COL22A1: variants seen among roughly 807,000 people sequenced by gnomAD.
COL22A1 encodes the protein collagen alpha-1(XXII) chain.
In COL22A1, 221 loss-of-function variants were observed where a neutral mutation model predicts 248.9. The observed-to-expected ratio is 0.89, with a 90% CI of 0.80 to 0.99. The LOEUF (loss-of-function observed/expected upper bound fraction) is 0.99. Ranked by LOEUF, COL22A1 falls within the 50% of genes least tolerant of loss-of-function variation. The probability of loss-of-function intolerance (pLI) is 0.00; values close to 1 mark genes in which losing one functional copy is unlikely to be tolerated. For missense variants in COL22A1, 2,240 were observed against 2,179.0 expected (o/e 1.03, Z -0.56); for synonymous variants, 891 against 793.4 (o/e 1.12, Z -2.07).
chr8:138,878,377 G>A, intron 2 of COL22A1, 61 bp from the exon 3 acceptor site: 1 of 1,337,070 alleles, frequency 7.5e-7, no homozygotes, highest in Non-Finnish European at 1.0e-6. Context: ...CACTGTCCTG[G>A]GGTATACAGG....
At chr8:138,784,701 A>G (rs750630712) in intron 12 of COL22A1, among the ~76,000 whole-genome samples, 2 of 152,216 alleles carry the variant, frequency 1.3e-5, no homozygotes, top group African/African-American at 2.4e-5. Context: ...ACAAGGCGCC[A>G]GGCACTGAGC....
chr8:138,745,135 A>T (rs141398967), intron 22 of COL22A1, among the ~76,000 whole-genome samples: 11 of 151,972 alleles, frequency 7.2e-5, no homozygotes, highest in East Asian at 1.9e-4. Context: ...GACATTCCAA[A>T]TTTTACATTT....
At chr8:138,839,573 C>T (rs1820714329) in intron 4 of COL22A1, among the ~76,000 whole-genome samples, 1 of 152,130 alleles carries the variant, frequency 6.6e-6, no homozygotes, top group Non-Finnish European at 1.5e-5. Context: ...TCTGCTCCCA[C>T]ACAGAGTTCC....
intron 16 of COL22A1, 21 bp from the exon 17 acceptor site, chr8:138,762,487 G>T (rs1833567995): frequency 6.2e-7 from 1 of 1,613,196 alleles, no homozygotes; most frequent in East Asian, 2.2e-5. Flanking sequence ...AAGGCAAATG[G>T]TGAAATAAAG....
chr8:138,759,335 C>A (rs1428485915), intron 18 of COL22A1, among the ~76,000 whole-genome samples: 1 of 152,180 alleles, frequency 6.6e-6, no homozygotes, highest in African/African-American at 2.4e-5. Context: ...CTGAACTCTG[C>A]GGTGAGCCGC....
intron 3 of COL22A1, among the ~76,000 whole-genome samples, chr8:138,859,164 A>G (rs1822258446): frequency 6.6e-6 from 1 of 152,234 alleles, no homozygotes; most frequent in Non-Finnish European, 1.5e-5. Flanking sequence ...TGCCACTGCC[A>G]GCCACGTTCT....
intron 18 of COL22A1, among the ~76,000 whole-genome samples, chr8:138,756,703 G>C (rs1411067839): frequency 3.3e-5 from 5 of 152,046 alleles, no homozygotes; most frequent in Non-Finnish European, 2.9e-5. Flanking sequence ...TAAGGCTAAG[G>C]GGGAAGAGTG....
At chr8:138,766,223 C>G (rs1833898684) in intron 16 of COL22A1, among the ~76,000 whole-genome samples, 1 of 152,194 alleles carries the variant, frequency 6.6e-6, no homozygotes, top group Admixed American at 6.5e-5. Context: ...TGAGTGGAGT[C>G]TGGAGCCAAG....
intron 4 of COL22A1, among the ~76,000 whole-genome samples, chr8:138,842,791 CAAA>C (rs1238647622): frequency 6.6e-6 from 1 of 152,198 alleles, no homozygotes; most frequent in African/African-American, 2.4e-5. Context: ...ATGTATTAGA[CAAA>C]TAAACCCTGA....
At chr8:138,829,942 G>T (rs566815455) in intron 5 of COL22A1, among the ~76,000 whole-genome samples, 1 of 152,052 alleles carries the variant, frequency 6.6e-6, no homozygotes. Flanking sequence ...ATGTGCATGT[G>T]TGTGTATATA....
intron 12 of COL22A1, among the ~76,000 whole-genome samples, chr8:138,785,311 T>C (rs1038961809): frequency 2.0e-5 from 3 of 152,202 alleles, no homozygotes; most frequent in African/African-American, 7.2e-5. Context: ...CCAAGGTCCA[T>C]GCTCCAACCC....
At chr8:138,726,454 G>A (rs988743906) in intron 23 of COL22A1, among the ~76,000 whole-genome samples, 34 of 145,116 alleles carry the variant, frequency 2.3e-4, no homozygotes, top group Non-Finnish European at 7.4e-5. Context: ...CTGTGATTGT[G>A]CCATTGTACT....
At chr8:138,800,785 C>T (rs181535012) in intron 11 of COL22A1, among the ~76,000 whole-genome samples, 1 of 152,298 alleles carries the variant, frequency 6.6e-6, no homozygotes, top group Non-Finnish European at 1.5e-5. Context: ...CTCCCAATCT[C>T]CCTTCCTTTG....
At chr8:138,843,332 G>A (rs1455647173) in intron 4 of COL22A1, among the ~76,000 whole-genome samples, 1 of 152,182 alleles carries the variant, frequency 6.6e-6, no homozygotes, top group Non-Finnish European at 1.5e-5. Context: ...CTAGGATGGG[G>A]ACACATAAGT....
intron 2 of COL22A1, 116 bp from the exon 3 acceptor site, chr8:138,878,432 C>T (rs1008180424): frequency 1.1e-6 from 1 of 884,648 alleles, no homozygotes; most frequent in Non-Finnish European, 1.6e-6. Flanking sequence ...CCTGCCCTGT[C>T]TCTCATGACC....
At chr8:138,887,591 CT>C (rs1282863549) in intron 1 of COL22A1, among the ~76,000 whole-genome samples, 1 of 152,220 alleles carries the variant, frequency 6.6e-6, no homozygotes, top group African/African-American at 2.4e-5. Flanking sequence ...CCATTATTGG[CT>C]ACCTAGAACT....
At chr8:138,862,703 C>T (rs1482608125) in intron 3 of COL22A1, among the ~76,000 whole-genome samples, 1 of 151,876 alleles carries the variant, frequency 6.6e-6, no homozygotes, top group African/African-American at 2.4e-5. Context: ...TCACAGTAAG[C>T]CTTTAATCAG....
intron 58 of COL22A1, among the ~76,000 whole-genome samples, chr8:138,605,428 T>C (rs1214695408): frequency 6.6e-6 from 1 of 152,052 alleles, no homozygotes. Context: ...AGCAGCAGAT[T>C]ATTAACAAGG....
intron 41 of COL22A1, among the ~76,000 whole-genome samples, chr8:138,671,418 G>A (rs1825014862): frequency 6.6e-6 from 1 of 152,318 alleles, no homozygotes; most frequent in African/African-American, 2.4e-5. Flanking sequence ...CCAGACCGTA[G>A]TACTATAATA....
Sources: gnomAD v4.1 joint callset for allele counts (sites outside exome capture counted in the v4.1 genomes callset) on GRCh38, gnomAD v4.1.1 for gene constraint, MANE v1.5 for transcripts, NCBI Gene and HGNC (gene_info 2026-07-23, HGNC 2026-07-21) for gene names.